The following TASP1 variants were observed in gnomAD, a reference collection of about 807,000 sequenced individuals.
TASP1 encodes taspase 1.
A neutral mutation model predicts 56.6 loss-of-function variants in TASP1; 16 were observed. That is an observed-to-expected ratio of 0.28 (90% CI 0.19 to 0.43). The LOEUF is 0.43. Ranked by LOEUF, TASP1 falls within the 20% of genes least tolerant of loss-of-function variation. The pLI is 1.00. For synonymous variants in TASP1, 179 were observed against 184.2 expected, an observed-to-expected ratio of 0.97 and a Z score of 0.23; for missense variants, 393 against 511.6, an observed-to-expected ratio of 0.77 and a Z score of 2.24.
At chr20:13,228,566 TTA>T in the TASP1 span, among the ~76,000 whole-genome samples, 2 of 152,178 alleles carry the variant, frequency 1.3e-5, no homozygotes, top group African/African-American at 4.8e-5. Flanking sequence ...CTTGATGCTT[TTA>T]TGATTTTTTT....
intron 6 of TASP1, among the ~76,000 whole-genome samples, chr20:13,576,560 A>G (rs1043826457): frequency 1.3e-5 from 2 of 152,144 alleles, no homozygotes; most frequent in Non-Finnish European, 2.9e-5. Flanking sequence ...ATCAAAAAAA[A>G]GTGAAGTACC....
intron 9 of TASP1, among the ~76,000 whole-genome samples, chr20:13,533,342 A>G (rs2045291309): frequency 6.6e-6 from 1 of 152,216 alleles, no homozygotes; most frequent in African/African-American, 2.4e-5. Flanking sequence ...AAATTGATTT[A>G]TCCTCAGAAA....
chr20:13,107,293 T>C, the TASP1 span, among the ~76,000 whole-genome samples: 12 of 150,040 alleles, frequency 8.0e-5, no homozygotes, highest in African/African-American at 2.2e-4. Context: ...AATGAGAAAA[T>C]AGAAAAAAAA....
chr20:13,214,100 T>C, the TASP1 span, among the ~76,000 whole-genome samples: 1 of 152,116 alleles, frequency 6.6e-6, no homozygotes, highest in African/African-American at 2.4e-5. Flanking sequence ...ATTTGAACCA[T>C]TTGAATGTGG....
At chr20:13,330,118 G>A in the TASP1 span, among the ~76,000 whole-genome samples, 1 of 151,884 alleles carries the variant, frequency 6.6e-6, no homozygotes, top group African/African-American at 2.4e-5. Context: ...CACCACACAT[G>A]GCTAATTTTT....
At chr20:13,537,144 T>C (rs984028421) in intron 8 of TASP1, among the ~76,000 whole-genome samples, 1 of 152,140 alleles carries the variant, frequency 6.6e-6, no homozygotes, top group African/African-American at 2.4e-5. Flanking sequence ...AATCAGGATA[T>C]TGTGAACCAT....
chr20:13,384,574 T>C (rs2041150654), downstream of TASP1, among the ~76,000 whole-genome samples: 1 of 152,200 alleles, frequency 6.6e-6, no homozygotes, highest in African/African-American at 2.4e-5. Context: ...GCTAATACCT[T>C]GCGGACTTGA....
At chr20:13,254,794 C>T in the TASP1 span, among the ~76,000 whole-genome samples, 1 of 152,246 alleles carries the variant, frequency 6.6e-6, no homozygotes. Context: ...TCTTCTCATC[C>T]TTCCACATCC....
chr20:13,214,793 A>C, the TASP1 span, among the ~76,000 whole-genome samples: 1 of 152,214 alleles, frequency 6.6e-6, no homozygotes, highest in Non-Finnish European at 1.5e-5. Flanking sequence ...TAAACAGTCT[A>C]CCACAAGGAA....
chr20:13,205,538 G>T, the TASP1 span, among the ~76,000 whole-genome samples: 1 of 151,886 alleles, frequency 6.6e-6, no homozygotes, highest in East Asian at 2.0e-4. Context: ...CCACTTCGTG[G>T]TTTACAAACT....
chr20:13,609,468 G>A (rs891659857), intron 4 of TASP1, among the ~76,000 whole-genome samples: 8 of 152,194 alleles, frequency 5.3e-5, no homozygotes, highest in East Asian at 1.9e-4. Flanking sequence ...CAGATCACTC[G>A]AGGTCAGGAG....
Position 13,457,938 on chromosome 20 carries a change from C to G in TASP1, c.986-22784G>C, listed in dbSNP as rs566825020. 5.9e-5 allele frequency among the ~76,000 whole-genome samples: 9 copies of G among 152,252 alleles called. No homozygotes were observed. The South Asian group carries it at 1.9e-3, about 32-fold the overall frequency. On this transcript the variant is annotated intron_variant, in intron 11 of 13. Coordinates refer to ENST00000337743, the MANE Select transcript of TASP1 (RefSeq NM_017714.3). ...CAGAATTGCCTGACAGTGTAAAAAT[C>G]AAGTGAAGAATCACTGTGAAATTCA...
At chr20:13,111,346 C>T in the TASP1 span, among the ~76,000 whole-genome samples, 3 of 152,146 alleles carry the variant, frequency 2.0e-5, no homozygotes, top group South Asian at 6.2e-4. Context: ...CCAGGGTGAG[C>T]TTGTCCTTGC....
At chr20:13,602,064 A>G (rs1177016755) in intron 4 of TASP1, among the ~76,000 whole-genome samples, 1 of 151,688 alleles carries the variant, frequency 6.6e-6, no homozygotes, top group Non-Finnish European at 1.5e-5. Flanking sequence ...TTTTTTTAGT[A>G]GAGATGGGGT....
the TASP1 span, among the ~76,000 whole-genome samples, chr20:13,144,814 G>A: frequency 4.2e-3 from 645 of 152,034 alleles, 3 homozygotes; most frequent in African/African-American, 0.015. Flanking sequence ...TCGCTCTGTC[G>A]CCCAGGCTGG....
the TASP1 span, among the ~76,000 whole-genome samples, chr20:13,381,730 T>TTAA: frequency 6.6e-6 from 1 of 152,206 alleles, no homozygotes; most frequent in Non-Finnish European, 1.5e-5. Flanking sequence ...ATCAGTGCTC[T>TTAA]TTTCTTATAG....
At chr20:13,345,676 A>G in the TASP1 span, among the ~76,000 whole-genome samples, 2 of 152,078 alleles carry the variant, frequency 1.3e-5, no homozygotes, top group African/African-American at 4.8e-5. Flanking sequence ...GTGTCTCTGG[A>G]GAATGGCCCC....
the TASP1 span, among the ~76,000 whole-genome samples, chr20:13,246,718 C>T: frequency 1.3e-5 from 2 of 152,202 alleles, no homozygotes; most frequent in African/African-American, 4.8e-5. Flanking sequence ...TTGTCCAATC[C>T]CCCAGTGCCC....
chr20:13,138,262 T>C, the TASP1 span, among the ~76,000 whole-genome samples: 15 of 152,312 alleles, frequency 9.8e-5, no homozygotes, highest in South Asian at 2.9e-3. Context: ...AAATGACCCA[T>C]TCAGCATCAG....
Sources: gnomAD v4.1 joint callset for allele counts (sites outside exome capture counted in the v4.1 genomes callset) on GRCh38, gnomAD v4.1.1 for gene constraint, MANE v1.5 for transcripts, NCBI Gene and HGNC (gene_info 2026-07-23, HGNC 2026-07-21) for gene names.